Variants in TRABD2B observed in about 807,000 individuals in gnomAD.
The protein encoded by TRABD2B is TraB domain containing 2B, also known as metalloprotease TIKI2.
A neutral mutation model predicts 40.1 loss-of-function variants in TRABD2B; 14 were observed. The observed-to-expected ratio is 0.35, with a 90% confidence interval of 0.23 to 0.55. The LOEUF (loss-of-function observed/expected upper bound fraction) is 0.55. TRABD2B is among the 20% of genes least tolerant of loss of function. The pLI is 0.90. For missense variants in TRABD2B, 541 were observed against 648.6 expected (o/e 0.83, Z 1.80); for synonymous variants, 263 against 277.0 (o/e 0.95, Z 0.50).
Position 47,852,169 on chromosome 1 carries a change from G to A in TRABD2B, c.667-50550C>T, listed in dbSNP as rs370397158. On this transcript the variant is annotated intron_variant, in intron 2 of 6. Coordinates refer to ENST00000606738, the MANE Select transcript of TRABD2B (RefSeq NM_001194986.2). Reference sequence around the variant, plus strand: ...ATGGGCCCTGGGGGACTAGGCTCCCGAGAAACCTCCGGGGCTCTGGAATGA... The same window carrying A: ...ATGGGCCCTGGGGGACTAGGCTCCCAAGAAACCTCCGGGGCTCTGGAATGA... Among the ~76,000 whole-genome samples, 12 of 152,276 alleles carry A rather than the reference G, an allele frequency of 7.9e-5. No homozygotes were observed. In the East Asian group the frequency reaches 1.2e-3, roughly 15 times the overall value.
intron 4 of TRABD2B, among the ~76,000 whole-genome samples, chr1:47,784,576 C>T (rs981221590): frequency 2.6e-5 from 4 of 152,196 alleles, no homozygotes; most frequent in African/African-American, 7.2e-5. Flanking sequence ...ATTTATGTTC[C>T]GTCTGAAATT....
chr1:47,761,027 T>C lies in TRABD2B; in HGVS notation c.*4875A>G, dbSNP rs926557270. The C allele has an allele frequency of 2.6e-5, 4 of 152,298 alleles. No individual in the cohort carries two copies. The highest frequency in any genetic ancestry group is 2.0e-4 in the Admixed American group (3 of 15,286). The allele number at this position is 152,298 out of a possible 1,614,324, so 9.4% of individuals were successfully genotyped here. A position where few individuals can be genotyped will look rare whatever the true frequency, so the allele number is the denominator to read the frequency against. On this transcript the variant is annotated 3_prime_UTR_variant, in exon 7 of 7. Transcript: ENST00000606738. ...ATGCTTTCAATCCCATGGCAGCCTG[T>C]GGGTCCTGGGAAGAAAGCCAAGCAC...
intron 2 of TRABD2B, among the ~76,000 whole-genome samples, chr1:47,978,597 C>T (rs955601956): frequency 6.6e-6 from 1 of 152,194 alleles, no homozygotes. Flanking sequence ...GAGAATCTCA[C>T]TTTGTTTACA....
chr1:47,792,635 G>A (rs934898776), intron 4 of TRABD2B, among the ~76,000 whole-genome samples: 1 of 152,156 alleles, frequency 6.6e-6, no homozygotes, highest in South Asian at 2.1e-4. Flanking sequence ...AGGGTTTCAG[G>A]AAAAGGAGGT....
intron 2 of TRABD2B, among the ~76,000 whole-genome samples, chr1:47,921,768 C>T (rs1014627353): frequency 6.6e-6 from 1 of 152,184 alleles, no homozygotes; most frequent in African/African-American, 2.4e-5. Flanking sequence ...TGCCAGGAGA[C>T]TCTGGCCGTC....
chr1:47,823,855 T>C lies in TRABD2B; in HGVS notation c.667-22236A>G, dbSNP rs1645141709. On this transcript the variant is annotated intron_variant, in intron 2 of 6. Coordinates refer to ENST00000606738, the MANE Select transcript of TRABD2B (RefSeq NM_001194986.2). Reference sequence around the variant, plus strand: ...CAGAACTCTTTCTGTGGGGTAGCCATGAAAGGGGTGAGATTTGAGGGGCTC... The same window carrying C: ...CAGAACTCTTTCTGTGGGGTAGCCACGAAAGGGGTGAGATTTGAGGGGCTC... Among the ~76,000 whole-genome samples the C allele has an allele frequency of 2.0e-5, 3 of 152,262 alleles. No individual in the cohort carries two copies. In the South Asian group the frequency reaches 6.2e-4, roughly 32 times the overall value.
chr1:47,965,205 G>GGGGGGGGGACGGC, intron 2 of TRABD2B, among the ~76,000 whole-genome samples: 1 of 111,490 alleles, frequency 9.0e-6, no homozygotes, highest in South Asian at 4.7e-4. Flanking sequence ...GGGGGGCGGG[G>GGGGGGGGGACGGC]GGGGGTGGAG....
At chr1:47,909,550 A>C (rs2124700322) in intron 2 of TRABD2B, among the ~76,000 whole-genome samples, 1 of 119,462 alleles carries the variant, frequency 8.4e-6, no homozygotes, top group South Asian at 3.4e-4. Context: ...AAGGAGGAGA[A>C]GAAGGAAGAA....
At chr1:47,827,605 T>C (rs907700019) in intron 2 of TRABD2B, among the ~76,000 whole-genome samples, 1 of 152,168 alleles carries the variant, frequency 6.6e-6, no homozygotes, top group African/African-American at 2.4e-5. Context: ...AAACGGCAAA[T>C]TGAGAAGGGG....
intron 2 of TRABD2B, among the ~76,000 whole-genome samples, chr1:47,985,910 T>TG (rs1557696541): frequency 6.6e-6 from 1 of 152,056 alleles, no homozygotes; most frequent in Non-Finnish European, 1.5e-5. Context: ...AAATAAAAAC[T>TG]GGGAAGGGGC....
chr1:47,896,410 G>T (rs548142744), intron 2 of TRABD2B, among the ~76,000 whole-genome samples: 1 of 152,316 alleles, frequency 6.6e-6, no homozygotes, highest in African/African-American at 2.4e-5. Context: ...ACTCCACACT[G>T]ATGATGCAGA....
chr1:47,856,437 A>C (rs939971734), intron 2 of TRABD2B, among the ~76,000 whole-genome samples: 5 of 152,248 alleles, frequency 3.3e-5, no homozygotes, highest in Admixed American at 3.3e-4. Context: ...GGGTGGATGA[A>C]TGCAGTTAGT....
At chr1:47,990,139 G>A (rs114305955) in intron 2 of TRABD2B, among the ~76,000 whole-genome samples, 2,353 of 152,264 alleles carry the variant, frequency 0.015, 58 homozygotes, top group African/African-American at 0.053. Context: ...TGGCAGGCAC[G>A]GTTCTGTGTT....
In TRABD2B at chr1:47,763,526, T is replaced by C. The variant is rs1644266537; in HGVS notation, c.*2376A>G. 1 of 152,216 alleles carries C rather than the reference T, an allele frequency of 6.6e-6. No homozygotes were observed. Among genetic ancestry groups the C allele is most frequent in the African/African-American group, 2.4e-5 (1 of 41,450 alleles). The allele number at this position is 152,216 out of a possible 1,614,324, so 9.4% of individuals were successfully genotyped here. The stretch of plus-strand genomic sequence containing the variant: ...TTGTCCCATCTTGATAATGAGTTCC[T>C]CTGGGCCAAGGAGAGTGGTTAGATT... On this transcript the variant is annotated 3_prime_UTR_variant, in exon 7 of 7. Coordinates refer to ENST00000606738, the MANE Select transcript of TRABD2B (RefSeq NM_001194986.2).
At chr1:47,913,879 T>C (rs1269859530) in intron 2 of TRABD2B, among the ~76,000 whole-genome samples, 2 of 152,232 alleles carry the variant, frequency 1.3e-5, no homozygotes, top group African/African-American at 2.4e-5. Context: ...TATCAACTCC[T>C]AATGAGGGGT....
chr1:47,846,897 A>ACACAC (rs1557610250), intron 2 of TRABD2B, among the ~76,000 whole-genome samples: 6 of 69,382 alleles, frequency 8.6e-5, no homozygotes, highest in South Asian at 3.6e-4. Flanking sequence ...CACACACACA[A>ACACAC]ATGAGGGCTG....
chr1:47,862,520 G>A (rs1357381619), intron 2 of TRABD2B, among the ~76,000 whole-genome samples: 1 of 150,914 alleles, frequency 6.6e-6, no homozygotes, highest in African/African-American at 2.4e-5. Context: ...TGAAATGCTA[G>A]GTATAAATCT....
At chr1:47,967,446 A>C (rs1226624703) in intron 2 of TRABD2B, among the ~76,000 whole-genome samples, 1 of 152,110 alleles carries the variant, frequency 6.6e-6, no homozygotes, top group East Asian at 1.9e-4. Flanking sequence ...AAAACAACAA[A>C]ATTAACACCG....
chr1:47,844,264 G>A (rs960249827), intron 2 of TRABD2B, among the ~76,000 whole-genome samples: 4 of 152,108 alleles, frequency 2.6e-5, no homozygotes, highest in Non-Finnish European at 4.4e-5. Context: ...TTTTTCTCCC[G>A]GAGCCCACAA....
Sources: gnomAD v4.1 joint callset for allele counts (sites outside exome capture counted in the v4.1 genomes callset) on GRCh38, gnomAD v4.1.1 for gene constraint, MANE v1.5 for transcripts, NCBI Gene and HGNC (gene_info 2026-07-23, HGNC 2026-07-21) for gene names.